The following TTC6 variants were observed in gnomAD, a reference collection of about 807,000 sequenced individuals.
The protein encoded by TTC6 is tetratricopeptide repeat protein 6.
In TTC6, 172 loss-of-function variants were observed where a neutral mutation model predicts 210.4. The observed-to-expected ratio is 0.82, with a 90% confidence interval of 0.72 to 0.93. TTC6 has a LOEUF of 0.93. Among genes scored for constraint, TTC6 ranks in the 40% least tolerant of loss-of-function variants. TTC6 has a pLI of 0.00. For missense variants in TTC6, 2,414 were observed against 2,318.1 expected (o/e 1.04, Z -0.85); for synonymous variants, 804 against 819.6 (o/e 0.98, Z 0.32).
chr14:37,842,169 C>G, exon 31 of TTC6: 1 of 1,579,720 alleles, frequency 6.3e-7, no homozygotes, highest in Non-Finnish European at 8.6e-7. Flanking sequence ...GTCTTTGAAG[C>G]CTAATGATGC....
intron 3 of TTC6, among the ~76,000 whole-genome samples, chr14:37,684,318 T>C (rs2095789911): frequency 6.6e-6 from 1 of 152,180 alleles, no homozygotes; most frequent in African/African-American, 2.4e-5. Context: ...CACTAGCCTA[T>C]TGATCTTCCA....
chr14:37,660,013 A>T lies in TTC6; in HGVS notation c.940-20138A>T, dbSNP rs182044262. The stretch of plus-strand genomic sequence containing the variant: ...ATGCTACATATTAGACCTTTGCCAG[A>T]TGCATAGTTTGCAAAAATTTTCTCT... On this transcript the variant is annotated intron_variant, in intron 1 of 30. Transcript: ENST00000553443. 8.5e-4 allele frequency among the ~76,000 whole-genome samples: 130 copies of T among 152,204 alleles called. No homozygotes were observed. In the South Asian group the frequency reaches 9.4e-3, roughly 11 times the overall value.
intron 3 of TTC6, among the ~76,000 whole-genome samples, chr14:37,684,342 A>G (rs558338707): frequency 6.6e-6 from 1 of 152,288 alleles, no homozygotes; most frequent in African/African-American, 2.4e-5. Context: ...ATAACAGGTA[A>G]TAAGGAAGAT....
chr14:37,616,219 C>G (rs899682174), intron 2 of TTC6, among the ~76,000 whole-genome samples: 1 of 152,150 alleles, frequency 6.6e-6, no homozygotes, highest in African/African-American at 2.4e-5. Context: ...TTCTCTGGGT[C>G]TCTTCCTTCT....
intron 14 of TTC6, among the ~76,000 whole-genome samples, chr14:37,772,940 A>T (rs1216774771): frequency 6.6e-6 from 1 of 152,148 alleles, no homozygotes; most frequent in Non-Finnish European, 1.5e-5. Flanking sequence ...AATAATAGCC[A>T]TTCTGACTGG....
At position 37,808,907 on chromosome 14, in the gene TTC6, A is replaced by T. The variant is rs540883584; in HGVS notation, c.4569+61A>T. The T allele has an allele frequency of 2.1e-4, 172 of 824,370 alleles. No homozygotes were observed. In the African/African-American group the frequency reaches 2.9e-3, roughly 14 times the overall value. The allele number at this position is 824,370 out of a possible 1,614,324, so 51.1% of individuals were successfully genotyped here. On this transcript the variant is annotated intron_variant, in intron 24 of 30. Coordinates refer to ENST00000553443, the Ensembl canonical transcript of TTC6. ...GTGTTTAATAAATAACATGCATTTA[A>T]TAGCTTGTGGATTTCAATCAATAAA... is the stretch of plus-strand genomic sequence containing the variant.
At chr14:37,681,789 A>T (rs1221187391) in intron 2 of TTC6, among the ~76,000 whole-genome samples, 1 of 152,156 alleles carries the variant, frequency 6.6e-6, no homozygotes, top group Non-Finnish European at 1.5e-5. Context: ...GGACCGAGTC[A>T]CTATTGGCTT....
chr14:37,782,620 T>C (rs1023706051), intron 14 of TTC6, among the ~76,000 whole-genome samples: 1 of 152,128 alleles, frequency 6.6e-6, no homozygotes, highest in African/African-American at 2.4e-5. Flanking sequence ...ACCCTTTATT[T>C]CTTTCTCCTG....
At chr14:37,719,775 G>A (rs2095858415) in intron 6 of TTC6, among the ~76,000 whole-genome samples, 1 of 152,064 alleles carries the variant, frequency 6.6e-6, no homozygotes, top group South Asian at 2.1e-4. Context: ...AGATCTTTGG[G>A]ATTTAGGGCT....
chr14:37,762,575 T>G (rs1189563416), intron 14 of TTC6, among the ~76,000 whole-genome samples: 1 of 152,212 alleles, frequency 6.6e-6, no homozygotes, highest in Non-Finnish European at 1.5e-5. Context: ...CATTTTTTCA[T>G]ATACCTGTTG....
At chr14:37,672,688 T>C (rs2095760559) in intron 1 of TTC6, among the ~76,000 whole-genome samples, 1 of 152,198 alleles carries the variant, frequency 6.6e-6, no homozygotes, top group South Asian at 2.1e-4. Context: ...TCTTTTCTAG[T>C]ATGAATGTCA....
At chr14:37,729,582 T>G (rs1412815161) in intron 7 of TTC6, among the ~76,000 whole-genome samples, 1 of 152,186 alleles carries the variant, frequency 6.6e-6, no homozygotes, top group African/African-American at 2.4e-5. Flanking sequence ...CAGGGACTTT[T>G]CATCAGCCTG....
intron 1 of TTC6, among the ~76,000 whole-genome samples, chr14:37,677,947 T>C (rs1332261391): frequency 2.0e-5 from 3 of 152,124 alleles, no homozygotes; most frequent in African/African-American, 7.2e-5. Flanking sequence ...ACTTATAATA[T>C]TTATATTAGA....
intron 7 of TTC6, among the ~76,000 whole-genome samples, chr14:37,730,142 G>T (rs35834125): frequency 4.6e-5 from 7 of 151,926 alleles, no homozygotes; most frequent in Non-Finnish European, 8.8e-5. Flanking sequence ...CCTGGTTGTG[G>T]TGAATGGGAA....
At chr14:37,691,622 T>G (rs1441213246) in intron 3 of TTC6, among the ~76,000 whole-genome samples, 1 of 151,996 alleles carries the variant, frequency 6.6e-6, no homozygotes, top group Non-Finnish European at 1.5e-5. Context: ...AATCTAATGA[T>G]GGATCTTAAA....
chr14:37,611,396 T>G (rs2095634209), intron 2 of TTC6: 3 of 152,262 alleles, frequency 2.0e-5, no homozygotes, highest in Admixed American at 2.0e-4. Flanking sequence ...CGCGGTGACT[T>G]CGTGTGGGCG....
chr14:37,738,416 T>G (rs2095907894), intron 9 of TTC6, among the ~76,000 whole-genome samples: 2 of 91,910 alleles, frequency 2.2e-5, no homozygotes, highest in African/African-American at 6.0e-5. Context: ...CTTTTGCCCC[T>G]TCTACCAGTT....
intron 13 of TTC6, among the ~76,000 whole-genome samples, 153 bp from the exon 16 acceptor site, chr14:37,752,946 T>C (rs545847289): frequency 6.6e-6 from 1 of 152,262 alleles, no homozygotes; most frequent in African/African-American, 2.4e-5. Flanking sequence ...TAAAGAAATA[T>C]TCTTTAGCTA....
intron 6 of TTC6, chr14:37,720,565 A>G (rs2095859900): frequency 6.6e-6 from 1 of 151,598 alleles, no homozygotes; most frequent in Non-Finnish European, 1.5e-5. Context: ...CACAGTGAAA[A>G]AAAAAAAAAA....
Sources: allele counts gnomAD v4.1 joint callset (sites outside exome capture counted in the v4.1 genomes callset), GRCh38; gene constraint gnomAD v4.1.1; transcripts MANE v1.5; gene names NCBI Gene and HGNC (gene_info 2026-07-23, HGNC 2026-07-21).